PEMT: variants seen among roughly 807,000 people sequenced by gnomAD.
PEMT encodes phosphatidylethanolamine N-methyltransferase, also known as phospholipid methyltransferase.
Under a neutral mutation model 27.4 loss-of-function variants are expected in PEMT, and 23 were observed. That is an observed-to-expected ratio of 0.84 (90% CI 0.60 to 1.19). The LOEUF (loss-of-function observed/expected upper bound fraction) is 1.19. PEMT is among the 50% of genes most tolerant of loss of function. PEMT has a pLI of 0.00. For synonymous variants in PEMT, 137 were observed against 139.1 expected (o/e 0.98, Z 0.11); for missense variants, 307 against 310.1 (o/e 0.99, Z 0.07).
intron 2 of PEMT, among the ~76,000 whole-genome samples, chr17:17,555,581 C>T (rs1909992772): frequency 1.3e-5 from 2 of 152,244 alleles, no homozygotes; most frequent in South Asian, 2.1e-4. Context: ...CTGAACCTCC[C>T]TTTTCCTTTG....
chr17:17,591,860 G>T (rs1426442463), upstream of PEMT: 3 of 985,334 alleles, frequency 3.0e-6, no homozygotes, highest in African/African-American at 1.7e-5. Context: ...GTGTTTCGCC[G>T]CAGAGCCTGC....
At position 17,509,454 on chromosome 17, in the gene PEMT, G is replaced by T. The variant is rs779802778; in HGVS notation, c.558C>A (p.Asn186Lys). Residue 186 changes from asparagine (N) to lysine (K), a missense_variant, in exon 5 of 7, where the codon AAC (asparagine) becomes AAA (lysine). Transcript: ENST00000255389. ...DNPMYWGSTA[N>K]YLGWAIMHAS... Reference sequence around the variant, plus strand: ...CTCACATGATGGCCCAGCCCAGGTAGTTGGCTGTGCTTCCCCAGTACATGG... The same window carrying T: ...CTCACATGATGGCCCAGCCCAGGTATTTGGCTGTGCTTCCCCAGTACATGG... 1 of 1,612,660 alleles carries T rather than the reference G, an allele frequency of 6.2e-7. No individual in the cohort carries two copies.
intron 2 of PEMT, among the ~76,000 whole-genome samples, chr17:17,541,400 C>T (rs1004936964): frequency 8.5e-5 from 13 of 152,228 alleles, no homozygotes; most frequent in Non-Finnish European, 1.3e-4. Context: ...CAGGGAGCAT[C>T]GTGGACCGTG....
chr17:17,576,427 C>A (rs1466875814), intron 2 of PEMT, among the ~76,000 whole-genome samples: 3 of 152,186 alleles, frequency 2.0e-5, no homozygotes, highest in African/African-American at 7.2e-5. Context: ...TCGCCTAGGT[C>A]CGGAATGCGC....
intron 1 of PEMT, chr17:17,578,592 T>A (rs567994691): frequency 2.6e-5 from 4 of 152,310 alleles, no homozygotes; most frequent in East Asian, 1.9e-4. Flanking sequence ...CAACTCAAAA[T>A]TTTTTAAAAA....
At position 17,591,536 on chromosome 17, in the gene PEMT, T is replaced by G. The variant is rs147458965; in HGVS notation, c.91A>C (p.Arg31=). The change falls in exon 1 of 7, where the codon AGA becomes CGA. Residue 31 remains arginine (R), a synonymous_variant. Coordinates refer to ENST00000255389, the MANE Select transcript of PEMT (RefSeq NM_148172.3). ...CGGTCCGGTGCGGTCAGTACCTGTC[T>G]AAAATCAATATTGCCGAGGCCTCCG... ...CCGGLGNIDF[R]QADFCVMTRL... is the part of the protein sequence containing the mutation. 92 of 1,612,714 alleles carry G rather than the reference T, an allele frequency of 5.7e-5. No homozygotes were observed. The African/African-American group carries it at 1.2e-3, about 21-fold the overall frequency.
At chr17:17,542,511 C>T (rs116934548) in intron 2 of PEMT, among the ~76,000 whole-genome samples, 2,054 of 152,310 alleles carry the variant, frequency 0.013, 18 homozygotes, top group Non-Finnish European at 0.02. Context: ...CTAACGCTTT[C>T]CTCTCAGGCC....
rs886939537 is a variant in PEMT, at chr17:17,513,339, G to A, written c.321-685C>T. 1.1e-4 allele frequency among the ~76,000 whole-genome samples: 17 copies of A among 152,246 alleles called. No individual in the cohort carries two copies. The highest frequency in any genetic ancestry group is 4.1e-4 in the African/African-American group (17 of 41,468). On this transcript the variant is annotated intron_variant, in intron 3 of 6. Transcript: ENST00000255389. This position sits in a 1 kb window ranked among gnomAD's most constrained non-coding sequence, Gnocchi z 4.1. ...GGTCCAGGTGTGGTGGCTCACGCCT[G>A]CAATCCCAGCACTTTGGGAGGCCGA...
intron 2 of PEMT, among the ~76,000 whole-genome samples, chr17:17,568,060 T>TAC (rs147906381): frequency 0.11 from 17,064 of 151,124 alleles, 1,556 homozygotes; most frequent in African/African-American, 0.26. Flanking sequence ...CTCACACACC[T>TAC]ACACACACAC....
chr17:17,531,752 T>C (rs1221477452), intron 2 of PEMT, among the ~76,000 whole-genome samples: 1 of 150,352 alleles, frequency 6.7e-6, no homozygotes, highest in Non-Finnish European at 1.5e-5. Flanking sequence ...TCTAAATATA[T>C]AAAGCCTTCT....
chr17:17,543,935 A>G (rs962767497), intron 2 of PEMT, among the ~76,000 whole-genome samples: 28 of 152,224 alleles, frequency 1.8e-4, no homozygotes, highest in Admixed American at 5.2e-4. Flanking sequence ...GATGACTGTC[A>G]GTGACTTGCC....
Position 17,505,854 on chromosome 17 carries a change from G to A in PEMT, c.654-6C>T, listed in dbSNP as rs368528009. On this transcript the variant is annotated splice_polypyrimidine_tract_variant and splice_region_variant and intron_variant, in intron 6 of 6. Transcript: ENST00000255389. Reference sequence around the variant, plus strand: ...AGATCTCAGCGGTGAAGGGCCTGCCGGGCAGCGGGGAGAGGCTTCGGTCAG... The same window carrying A: ...AGATCTCAGCGGTGAAGGGCCTGCCAGGCAGCGGGGAGAGGCTTCGGTCAG... The A allele has an allele frequency of 2.7e-5, 43 of 1,607,644 alleles. No homozygotes were observed. The highest frequency in any genetic ancestry group is 3.4e-5 in the Non-Finnish European group (40 of 1,176,762).
chr17:17,529,661 G>A (rs888760023), intron 2 of PEMT, among the ~76,000 whole-genome samples: 3 of 152,206 alleles, frequency 2.0e-5, no homozygotes, highest in African/African-American at 7.2e-5. Context: ...ATGGCACAGC[G>A]GGGGACACTC....
chr17:17,511,423 C>T (rs959640587), intron 4 of PEMT, among the ~76,000 whole-genome samples: 8 of 152,244 alleles, frequency 5.3e-5, no homozygotes, highest in Non-Finnish European at 1.0e-4. Context: ...CTTCCTCCCT[C>T]GGGGGGACCC....
intron 4 of PEMT, among the ~76,000 whole-genome samples, chr17:17,509,888 G>C (rs1006557205): frequency 4.6e-5 from 7 of 152,176 alleles, no homozygotes; most frequent in Non-Finnish European, 8.8e-5. Flanking sequence ...TCTCTGTACA[G>C]AGAGCGCCTT....
At chr17:17,586,292 A>AAAGAAAGAAAGAAAG (rs1567759756) in intron 1 of PEMT, among the ~76,000 whole-genome samples, 38 of 107,164 alleles carry the variant, frequency 3.5e-4, no homozygotes, top group East Asian at 7.5e-4. Flanking sequence ...AAGAAAGAAA[A>AAAGAAAGAAAGAAAG]AAAAAAACGC....
At chr17:17,584,036 G>A (rs1342953889) in intron 1 of PEMT, among the ~76,000 whole-genome samples, 1 of 152,232 alleles carries the variant, frequency 6.6e-6, no homozygotes, top group Non-Finnish European at 1.5e-5. Context: ...CAGCTCACGT[G>A]CTCCAGCAGG....
intron 2 of PEMT, among the ~76,000 whole-genome samples, chr17:17,529,886 A>G (rs985808503): frequency 6.6e-6 from 1 of 152,186 alleles, no homozygotes; most frequent in East Asian, 1.9e-4. Context: ...GAACTGCGCT[A>G]CAGCCCCACC....
At chr17:17,572,886 C>T (rs2142730964) in intron 2 of PEMT, among the ~76,000 whole-genome samples, 1 of 152,314 alleles carries the variant, frequency 6.6e-6, no homozygotes, top group East Asian at 1.9e-4. Context: ...TCCGCAGCAA[C>T]TGCAGATAAA....
Sources: gnomAD v4.1 joint callset for allele counts (sites outside exome capture counted in the v4.1 genomes callset) on GRCh38, gnomAD v4.1.1 for gene constraint, Gnocchi (gnomAD v3.1) non-coding constraint, MANE v1.5 for transcripts, NCBI Gene and HGNC (gene_info 2026-07-23, HGNC 2026-07-21) for gene names.